PTH2R: variants seen among roughly 807,000 people sequenced by gnomAD.
PTH2R encodes the protein parathyroid hormone 2 receptor.
A neutral mutation model predicts 60.3 loss-of-function variants in PTH2R; 59 were observed. That is an observed-to-expected ratio of 0.98 (90% confidence interval 0.79 to 1.22). PTH2R has a LOEUF of 1.22. PTH2R is among the 50% of genes most tolerant of loss of function. The probability of loss-of-function intolerance (pLI) is 0.00; values close to 1 mark genes in which losing one functional copy is unlikely to be tolerated. For missense variants in PTH2R, 749 were observed against 682.6 expected, an observed-to-expected ratio of 1.10 and a Z score of -1.08; for synonymous variants, 256 against 243.8, an observed-to-expected ratio of 1.05 and a Z score of -0.47.
At position 208,401,194 on chromosome 2, in the gene PTH2R, T is replaced by C. The variant is rs530442505; in HGVS notation, c.-258-27007T>C. Among the ~76,000 whole-genome samples, 4 of 152,340 alleles carry C rather than the reference T, an allele frequency of 2.6e-5. No homozygotes were observed. In the South Asian group the frequency reaches 8.3e-4, roughly 32 times the overall value. On this transcript the variant is annotated intron_variant, in intron 1 of 12. Transcript: ENST00000617735. ...AGTTTCTTCGCAGTCTCTTCTTCCA[T>C]CTGTATGGGAACTATTCCCAAATCT...
chr2:208,442,491 A>C, intron 5 of PTH2R, 30 bp downstream of exon 5: 1 of 1,491,324 alleles, frequency 6.7e-7, no homozygotes, highest in Non-Finnish European at 9.4e-7. Context: ...TTTTCCATGA[A>C]GGGGCACATT....
chr2:208,365,929 AATATATATATATAT>A lies in PTH2R; in HGVS notation c.-259+5711_-259+5724del, dbSNP rs1224025157. The stretch of plus-strand genomic sequence containing the variant: ...TTATATATATATAATATAATAGATA[AATATATATATATAT>A]ATATATATATATATATATTTTTTTT... On this transcript the variant is annotated intron_variant, in intron 1 of 12. Coordinates refer to the PTH2R transcript ENST00000617735. Among the ~76,000 whole-genome samples the A allele has an allele frequency of 2.9e-3, 128 of 43,730 alleles. 3 individuals are homozygous for A. The highest frequency in any genetic ancestry group is 6.8e-3 in the Admixed American group (14 of 2,048). 28.7% of individuals were successfully genotyped at this position (43,730 alleles called of 152,430 possible).
intron 9 of PTH2R, among the ~76,000 whole-genome samples, chr2:208,465,136 C>T (rs916802061): frequency 1.3e-5 from 2 of 151,906 alleles, no homozygotes; most frequent in South Asian, 2.1e-4. Context: ...CCACCATGCC[C>T]GGCTAATTTT....
At chr2:208,384,651 A>C (rs1360252127) in intron 1 of PTH2R, among the ~76,000 whole-genome samples, 1 of 152,240 alleles carries the variant, frequency 6.6e-6, no homozygotes, top group Non-Finnish European at 1.5e-5. Context: ...ACTGTTATTT[A>C]AATGAAAAAG....
intron 7 of PTH2R, among the ~76,000 whole-genome samples, chr2:208,447,542 C>T (rs1310947870): frequency 6.7e-6 from 1 of 149,968 alleles, no homozygotes; most frequent in Non-Finnish European, 1.5e-5. Flanking sequence ...GAGCTGAGAT[C>T]GCGCCACTGC....
intron 1 of PTH2R, among the ~76,000 whole-genome samples, chr2:208,382,199 A>G (rs1444574681): frequency 6.6e-6 from 1 of 151,802 alleles, no homozygotes; most frequent in Non-Finnish European, 1.5e-5. Context: ...GTGTAGATAT[A>G]TCCTGTGTGT....
At chr2:208,374,659 C>G (rs569493673) in intron 1 of PTH2R, among the ~76,000 whole-genome samples, 1 of 151,982 alleles carries the variant, frequency 6.6e-6, no homozygotes, top group Non-Finnish European at 1.5e-5. Flanking sequence ...CCCTCAACCA[C>G]GCCTGGCTAA....
intron 9 of PTH2R, among the ~76,000 whole-genome samples, chr2:208,465,406 T>C (rs1702725538): frequency 8.1e-6 from 1 of 123,184 alleles, no homozygotes; most frequent in East Asian, 2.3e-4. Context: ...TTTTTTTTTT[T>C]TTTTTTTTTT....
chr2:208,464,839 C>A (rs1207363496), intron 9 of PTH2R, among the ~76,000 whole-genome samples: 3 of 152,114 alleles, frequency 2.0e-5, no homozygotes, highest in South Asian at 4.1e-4. Flanking sequence ...CAAAACAAAA[C>A]CCCTTATTCT....
chr2:208,390,731 T>C (rs1701094137), intron 1 of PTH2R, among the ~76,000 whole-genome samples: 1 of 152,174 alleles, frequency 6.6e-6, no homozygotes, highest in Non-Finnish European at 1.5e-5. Context: ...CTATTGCAAA[T>C]AGTAGAGTGA....
At chr2:208,394,251 T>C (rs1271414691) in intron 1 of PTH2R, among the ~76,000 whole-genome samples, 1 of 152,198 alleles carries the variant, frequency 6.6e-6, no homozygotes, top group East Asian at 1.9e-4. Context: ...CAATAGAATA[T>C]GAAGTGCTTT....
intron 1 of PTH2R, among the ~76,000 whole-genome samples, chr2:208,375,168 G>C (rs1700771335): frequency 6.6e-6 from 1 of 152,042 alleles, no homozygotes; most frequent in Non-Finnish European, 1.5e-5. Flanking sequence ...AAAAATCTTT[G>C]TTTTCTAGTA....
intron 9 of PTH2R, among the ~76,000 whole-genome samples, chr2:208,477,317 G>C (rs1270264928): frequency 2.0e-5 from 3 of 152,178 alleles, no homozygotes; most frequent in African/African-American, 7.2e-5. Flanking sequence ...AAGGGCGAAT[G>C]AGTGGAGAGA....
chr2:208,444,914 T>G (rs1340044845), intron 7 of PTH2R, 27 bp downstream of exon 7: 2 of 1,593,180 alleles, frequency 1.3e-6, no homozygotes, highest in African/African-American at 2.7e-5. Context: ...TCTGTTCCTT[T>G]CAAACTGGAT....
chr2:208,478,739 C>T (rs3769516), intron 9 of PTH2R, among the ~76,000 whole-genome samples: 88,515 of 151,974 alleles, frequency 0.58, 27,891 homozygotes, highest in Non-Finnish European at 0.69. Flanking sequence ...TTATGGACAC[C>T]ATAGTGCAGT....
intron 9 of PTH2R, among the ~76,000 whole-genome samples, chr2:208,463,790 G>C (rs1464440825): frequency 6.6e-6 from 1 of 152,178 alleles, no homozygotes; most frequent in Non-Finnish European, 1.5e-5. Flanking sequence ...ATTCTACCTT[G>C]TATATCAGGA....
intron 1 of PTH2R, 66 bp from the exon 2 acceptor site, chr2:208,428,135 A>G: frequency 8.2e-7 from 1 of 1,224,066 alleles, no homozygotes; most frequent in South Asian, 1.4e-5. Context: ...AGGTGAAATA[A>G]TGAAAGCTTG....
At chr2:208,484,499 C>T (rs1703228834) in intron 10 of PTH2R, among the ~76,000 whole-genome samples, 1 of 152,128 alleles carries the variant, frequency 6.6e-6, no homozygotes. Context: ...AAAATTCAGT[C>T]ATCTATTAGA....
At chr2:208,381,809 T>A (rs1700919841) in intron 1 of PTH2R, among the ~76,000 whole-genome samples, 2 of 152,124 alleles carry the variant, frequency 1.3e-5, no homozygotes, top group Admixed American at 1.3e-4. Flanking sequence ...AAAGAGAGAT[T>A]ATCTTGGGCT....
Sources: allele counts gnomAD v4.1 joint callset (sites outside exome capture counted in the v4.1 genomes callset), GRCh38; gene constraint gnomAD v4.1.1; transcripts MANE v1.5; gene names NCBI Gene and HGNC (gene_info 2026-07-23, HGNC 2026-07-21).